The following MGAT4C variants were observed in gnomAD, a reference collection of about 807,000 sequenced individuals.
The protein encoded by MGAT4C is MGAT4 family member C, also known as alpha-1,3-mannosyl-glycoprotein 4-beta-N-acetylglucosaminyltransferase C.
In MGAT4C, 19 loss-of-function variants were observed where a neutral mutation model predicts 40.1. The observed-to-expected ratio is 0.47, with a 90% CI of 0.33 to 0.70. The LOEUF (loss-of-function observed/expected upper bound fraction) is 0.70. MGAT4C is among the 30% of genes least tolerant of loss of function. The probability of loss-of-function intolerance (pLI) is 0.02; values close to 1 mark genes in which losing one functional copy is unlikely to be tolerated. For synonymous variants in MGAT4C, 181 were observed against 187.1 expected (o/e 0.97, Z 0.27); for missense variants, 491 against 563.2 (o/e 0.87, Z 1.30).
chr12:86,404,191 T>A (rs1000096478), intron 3 of MGAT4C, among the ~76,000 whole-genome samples: 1 of 151,958 alleles, frequency 6.6e-6, no homozygotes, highest in Non-Finnish European at 1.5e-5. Context: ...TCAAAAAAAA[T>A]TCATAATCAT....
At chr12:86,440,661 C>G (rs1425514008) in intron 2 of MGAT4C, among the ~76,000 whole-genome samples, 3 of 151,914 alleles carry the variant, frequency 2.0e-5, no homozygotes, top group Non-Finnish European at 2.9e-5. Context: ...TAAATACATC[C>G]AAATCAGAAA....
At chr12:86,652,684 C>CA (rs1029657197) in intron 2 of MGAT4C, among the ~76,000 whole-genome samples, 2 of 151,520 alleles carry the variant, frequency 1.3e-5, no homozygotes, top group Admixed American at 1.3e-4. Context: ...TTGTGAAAAA[C>CA]AAAAAAATGA....
Position 86,344,717 on chromosome 12 carries a change from G to GGTGTGT in MGAT4C, c.-119-10596_-119-10591dup, listed in dbSNP as rs71076188. Among the ~76,000 whole-genome samples the GGTGTGT allele has an allele frequency of 3.6e-3, 500 of 139,510 alleles. 1 individual carries two copies. Among genetic ancestry groups the GGTGTGT allele is most frequent in the South Asian group, 7.0e-3 (28 of 4,002 alleles). 91.5% of individuals were successfully genotyped at this position (139,510 alleles called of 152,430 possible). ...CAGCAATATAGTTCTATCTCTTCTC[G>GGTGTGT]GTGTGTGTGTGTGTGTGTGTGTGTG... On this transcript the variant is annotated intron_variant, in intron 3 of 7. Coordinates refer to the MGAT4C transcript ENST00000548651.
At chr12:86,427,241 A>AT (rs1167263722) in intron 3 of MGAT4C, among the ~76,000 whole-genome samples, 1 of 152,148 alleles carries the variant, frequency 6.6e-6, no homozygotes, top group African/African-American at 2.4e-5. Context: ...ATGGACATGT[A>AT]TTTCATATTA....
At chr12:86,151,538 G>A (rs1385219339) in intron 1 of MGAT4C, among the ~76,000 whole-genome samples, 2 of 152,046 alleles carry the variant, frequency 1.3e-5, no homozygotes, top group African/African-American at 2.4e-5. Flanking sequence ...GCGTGAACCC[G>A]GAGGCGGAGC....
chr12:86,582,038 C>T (rs1960799466), intron 2 of MGAT4C, among the ~76,000 whole-genome samples: 1 of 151,314 alleles, frequency 6.6e-6, no homozygotes, highest in Non-Finnish European at 1.5e-5. Flanking sequence ...TGACTTCATT[C>T]ACAAGTTTTT....
chr12:86,248,574 G>A (rs991109795), intron 1 of MGAT4C, among the ~76,000 whole-genome samples: 1 of 152,114 alleles, frequency 6.6e-6, no homozygotes, highest in African/African-American at 2.4e-5. Flanking sequence ...ACAGGCAAGT[G>A]AGAAGCGGTT....
At chr12:86,835,870 AACAC>A (rs1417713066) in intron 1 of MGAT4C, among the ~76,000 whole-genome samples, 1 of 151,388 alleles carries the variant, frequency 6.6e-6, no homozygotes, top group Non-Finnish European at 1.5e-5. Flanking sequence ...CACACACACA[AACAC>A]ACACACAAAC....
chr12:86,304,720 G>T lies in MGAT4C; in HGVS notation c.-57+29345C>A, dbSNP rs114280596. On this transcript the variant is annotated intron_variant, in intron 4 of 7. Coordinates refer to the MGAT4C transcript ENST00000548651. ...ATAAGGTTAAGATGAGGTCATTAGG[G>T]TGAACCTTAATCCAATATGACAGAT... is the stretch of plus-strand genomic sequence containing the variant. 5.3e-3 allele frequency among the ~76,000 whole-genome samples: 800 copies of T among 150,796 alleles called. 76 individuals are homozygous for T. Among genetic ancestry groups the T allele is most frequent in the African/African-American group, 0.019 (771 of 40,176 alleles).
chr12:86,550,648 G>T (rs1159893119), intron 2 of MGAT4C, among the ~76,000 whole-genome samples: 1 of 152,182 alleles, frequency 6.6e-6, no homozygotes, highest in African/African-American at 2.4e-5. Context: ...GCTTGGCCCA[G>T]TATCCGCTAT....
chr12:85,973,969 TAAATGTGATGAAC>T lies in MGAT4C; in HGVS notation c.*5307_*5319del, dbSNP rs150451593. On this transcript the variant is annotated 3_prime_UTR_variant, in exon 5 of 5. Transcript: ENST00000611864. ...AGCAAATTCTACCCTGGACTTGGAG[TAAATGTGATGAAC>T]AGATTAATGAGGTGGAAGGGACTAG... is the stretch of plus-strand genomic sequence containing the variant. 2.7e-4 allele frequency: 40 copies of T among 150,886 alleles called. No individual in the cohort carries two copies. The East Asian group carries it at 7.6e-3, about 29-fold the overall frequency. The allele number at this position is 150,886 out of a possible 1,614,324, so 9.3% of individuals were successfully genotyped here.
chr12:86,269,191 G>A (rs1482861100), intron 4 of MGAT4C, among the ~76,000 whole-genome samples: 1 of 150,402 alleles, frequency 6.6e-6, no homozygotes, highest in Non-Finnish European at 1.5e-5. Context: ...AGAGCACAAA[G>A]TTGTTATAAT....
intron 1 of MGAT4C, among the ~76,000 whole-genome samples, chr12:86,149,550 C>G (rs1318154110): frequency 4.6e-5 from 7 of 152,192 alleles, no homozygotes; most frequent in African/African-American, 7.2e-5. Flanking sequence ...TCTTCTCTCA[C>G]ATTTTATACA....
chr12:86,102,357 T>C (rs1169876170), intron 1 of MGAT4C, among the ~76,000 whole-genome samples: 1 of 152,040 alleles, frequency 6.6e-6, no homozygotes, highest in Non-Finnish European at 1.5e-5. Flanking sequence ...TAAGAAAAAT[T>C]ACTTTAACTG....
rs143403848 is a variant in MGAT4C at position 86,665,141 on chromosome 12, T to G, written c.-229+62068A>C. Among the ~76,000 whole-genome samples, 126 of 152,084 alleles carry G rather than the reference T, an allele frequency of 8.3e-4. 2 individuals are homozygous for G. The highest frequency in any genetic ancestry group is 2.9e-3 in the African/African-American group (121 of 41,494). On this transcript the variant is annotated intron_variant, in intron 2 of 7. Coordinates refer to the MGAT4C transcript ENST00000548651. ...TGTCTTTAAGAAGATGATATTTCAG[T>G]TAACACTCAAGCAGCGAAGTTAACA...
chr12:86,453,567 T>C (rs1957461515), intron 2 of MGAT4C, among the ~76,000 whole-genome samples: 1 of 152,080 alleles, frequency 6.6e-6, no homozygotes, highest in Admixed American at 6.6e-5. Flanking sequence ...TAGACCAGCA[T>C]GGTGACTCAA....
rs74525742 is a variant in MGAT4C at position 86,734,387 on chromosome 12, T to C, written c.-261-7146A>G. On this transcript the variant is annotated intron_variant, in intron 1 of 7. Coordinates refer to the MGAT4C transcript ENST00000548651. ...CAGTGGGAGTAGAGGGGAATGCATGTGCAGGGGCTGAACTTGAATCGGAGC... is the reference window on the plus strand; with the variant it reads ...CAGTGGGAGTAGAGGGGAATGCATGCGCAGGGGCTGAACTTGAATCGGAGC... Among the ~76,000 whole-genome samples, 1,479 of 152,108 alleles carry C rather than the reference T, an allele frequency of 9.7e-3. 10 individuals are homozygous for C. The highest frequency in any genetic ancestry group is 0.013 in the Non-Finnish European group (904 of 67,982).
intron 2 of MGAT4C, among the ~76,000 whole-genome samples, chr12:86,507,814 T>C (rs955975368): frequency 6.6e-6 from 1 of 152,160 alleles, no homozygotes; most frequent in South Asian, 2.1e-4. Flanking sequence ...ATTCTAGTTT[T>C]AAAATATATT....
chr12:86,764,588 C>T (rs56013524), intron 1 of MGAT4C, among the ~76,000 whole-genome samples: 48,537 of 99,746 alleles, frequency 0.49, 10,219 homozygotes, highest in South Asian at 0.6. Flanking sequence ...CCCCTGACCC[C>T]TGAGCAGCCT....
Sources: allele counts gnomAD v4.1 joint callset (sites outside exome capture counted in the v4.1 genomes callset), GRCh38; gene constraint gnomAD v4.1.1; transcripts MANE v1.5; gene names NCBI Gene and HGNC (gene_info 2026-07-23, HGNC 2026-07-21).